TNK2: variants seen among roughly 807,000 people sequenced by gnomAD.
TNK2 encodes the protein tyrosine kinase non receptor 2.
TNK2 carries 83 observed loss-of-function variants against 101.8 expected under a neutral mutation model. The ratio of observed to expected loss-of-function variants is 0.82; its 90% CI spans 0.68 to 0.98. TNK2 has a LOEUF of 0.98. Ranked by LOEUF, TNK2 falls within the 50% of genes least tolerant of loss-of-function variation. TNK2 has a pLI of 0.00. For missense variants in TNK2, 1,665 were observed against 1,483.2 expected (o/e 1.12, Z -2.01); for synonymous variants, 804 against 633.0 (o/e 1.27, Z -4.06).
chr3:195,864,012 TGGGCA>T lies in TNK2; in HGVS notation c.*164_*168del. On this transcript the variant is annotated 3_prime_UTR_variant, in exon 16 of 16. Transcript: ENST00000672887. ...AGGGACAGCGCTGGTGCAGGAGGGA[TGGGCA>T]GGGCAGGGCTCCCAGCCTCCCGCAG... 1.2e-6 allele frequency: 1 copy of T among 810,420 alleles called. No homozygotes were observed. Among genetic ancestry groups the T allele is most frequent in the Non-Finnish European group, 2.0e-6 (1 of 498,626 alleles). 50.2% of individuals were successfully genotyped at this position (810,420 alleles called of 1,614,324 possible). A position where few individuals can be genotyped will look rare whatever the true frequency, so the allele number is the denominator to read the frequency against.
intron 1 of TNK2, chr3:195,892,435 G>C (rs1758930138): frequency 6.5e-7 from 1 of 1,535,300 alleles, no homozygotes; most frequent in African/African-American, 1.4e-5. Flanking sequence ...GCCGCAGTCT[G>C]GCCAGGAGAG....
At chr3:195,900,187 C>G (rs955958760) in intron 1 of TNK2, among the ~76,000 whole-genome samples, 3 of 151,940 alleles carry the variant, frequency 2.0e-5, no homozygotes, top group African/African-American at 7.3e-5. Flanking sequence ...TGCTGGGGCG[C>G]GGGCTGCCAC....
rs372297621 is a variant in TNK2 at position 195,866,868 on chromosome 3, C to T, written c.3161+21G>A. On this transcript the variant is annotated intron_variant, in intron 15 of 15. Coordinates refer to ENST00000672887, the MANE Select transcript of TNK2 (RefSeq NM_001382273.1). ...AGCCCTCCTGGGGCACGGAGCGGGG[C>T]AGACTGTGGGGCTCACTCACTTGTG... 2.6e-4 allele frequency: 421 copies of T among 1,607,126 alleles called. 2 individuals are homozygous for T. In the African/African-American group the frequency reaches 4.2e-3, roughly 16 times the overall value.
intron 1 of TNK2, among the ~76,000 whole-genome samples, chr3:195,898,033 G>A (rs140221068): frequency 1.9e-3 from 286 of 151,958 alleles, no homozygotes; most frequent in Non-Finnish European, 3.5e-3. Context: ...TCCACCAGGA[G>A]GCTGCACAGG....
chr3:195,898,329 G>A (rs150238977), intron 1 of TNK2, among the ~76,000 whole-genome samples: 1 of 152,254 alleles, frequency 6.6e-6, no homozygotes, highest in Non-Finnish European at 1.5e-5. Flanking sequence ...CGCTCCAGCT[G>A]GGCAACTTTT....
At chr3:195,894,939 A>C (rs1760005100) in intron 1 of TNK2, among the ~76,000 whole-genome samples, 1 of 152,138 alleles carries the variant, frequency 6.6e-6, no homozygotes, top group South Asian at 2.1e-4. Context: ...GGACATACAG[A>C]CTCAGTTCTC....
chr3:195,864,127 C>A lies in TNK2; in HGVS notation c.*54G>T, dbSNP rs910051506. On this transcript the variant is annotated 3_prime_UTR_variant, in exon 16 of 16. Transcript: ENST00000672887. ...GGGGCATCTCCCCACTCCTGGTGGA[C>A]GGACAGGCTCAGGTGATTCCTTCAG... 2.0e-5 allele frequency: 32 copies of A among 1,612,250 alleles called. No individual in the cohort carries two copies. The highest frequency in any genetic ancestry group is 1.6e-4 in the Middle Eastern group (1 of 6,072).
In TNK2 at chr3:195,868,722, G is replaced by A. The variant is rs1191415005; in HGVS notation, c.1589-13C>T. ...TCATAGGTTGGTTCTGTGATGGAAA[G>A]GGAGAGCCCAACAGGAAGGCAGTCA... On this transcript the variant is annotated splice_polypyrimidine_tract_variant and intron_variant, in intron 12 of 15. Transcript: ENST00000672887. 6.5e-7 allele frequency: 1 copy of A among 1,538,318 alleles called. No homozygotes were observed. Among genetic ancestry groups the A allele is most frequent in the Non-Finnish European group, 8.7e-7 (1 of 1,152,128 alleles).
At chr3:195,887,127 G>A (rs541013073) in intron 2 of TNK2, 80 bp from the exon 3 acceptor site, 11 of 1,461,984 alleles carry the variant, frequency 7.5e-6, no homozygotes, top group African/African-American at 1.4e-5. Flanking sequence ...CCCCTTGGGG[G>A]TGAGCCTGTC....
rs1035973900 is a variant in TNK2 at position 195,863,411 on chromosome 3, T to G, written c.*770A>C. ...TTATTTCTCTGGAAGAAGCAGGTACTGAATGCCGGAGCAGCAACTTCGCCA... is the reference window on the plus strand; with the variant it reads ...TTATTTCTCTGGAAGAAGCAGGTACGGAATGCCGGAGCAGCAACTTCGCCA... On this transcript the variant is annotated 3_prime_UTR_variant, in exon 16 of 16. Coordinates refer to ENST00000672887, the MANE Select transcript of TNK2 (RefSeq NM_001382273.1). 1 of 152,800 alleles carries G rather than the reference T, an allele frequency of 6.5e-6. No homozygotes were observed. The highest frequency in any genetic ancestry group is 1.5e-5 in the Non-Finnish European group (1 of 68,104). The allele number at this position is 152,800 out of a possible 1,614,324, so 9.5% of individuals were successfully genotyped here.
intron 9 of TNK2, chr3:195,876,866 C>T: frequency 2.8e-6 from 1 of 355,382 alleles, no homozygotes; most frequent in Non-Finnish European, 5.6e-6. Flanking sequence ...GACACACGCC[C>T]CAAACACAGG....
At position 195,886,831 on chromosome 3, in the gene TNK2, C is replaced by A. The variant is rs1016729316; in HGVS notation, c.234+146G>T. On this transcript the variant is annotated intron_variant, in intron 3 of 15. Transcript: ENST00000672887. This position sits in a 1 kb window ranked among gnomAD's most constrained non-coding sequence, Gnocchi z 4.2. ...CTACAAGTGCCCTGCCCGATAAGAC[C>A]CTGGACGAGGGGGTCCTGTACAAAG... 10 of 857,064 alleles carry A rather than the reference C, an allele frequency of 1.2e-5. No homozygotes were observed. Among genetic ancestry groups the A allele is most frequent in the Non-Finnish European group, 1.9e-5 (10 of 512,888 alleles). The allele number at this position is 857,064 out of a possible 1,614,324, so 53.1% of individuals were successfully genotyped here. A position where few individuals can be genotyped will look rare whatever the true frequency, so the allele number is the denominator to read the frequency against.
At chr3:195,890,840 T>C (rs1577099233) in intron 1 of TNK2, among the ~76,000 whole-genome samples, 1 of 152,202 alleles carries the variant, frequency 6.6e-6, no homozygotes, top group Non-Finnish European at 1.5e-5. Context: ...TTTGCAAAAA[T>C]GTCAGTGAAG....
At position 195,866,906 on chromosome 3, in the gene TNK2, C is replaced by A. The variant is rs540682153; in HGVS notation, c.3144G>T (p.Trp1048Cys). The change falls in exon 15 of 16, where the codon TGG becomes TGT. Residue 1048 changes from tryptophan (W) to cysteine (C), a missense_variant. Physicochemically the swap from Trp to Cys is radical, Grantham distance 215. Around this residue, in one of 3 missense-constraint regions of TNK2, gnomAD observed 1,136 missense variants for 894.9 expected, o/e 1.27. Transcript: ENST00000672887. The part of the protein sequence containing the change: ...EQAGCHLLGS[W>C]GPAHHKR ...TCACTCACTTGTGGTGGGCAGGGCC[C>A]CAGGAGCCCAGAAGGTGGCAGCCGG... is the stretch of plus-strand genomic sequence containing the variant. 1 of 1,611,176 alleles carries A rather than the reference C, an allele frequency of 6.2e-7. No individual in the cohort carries two copies. Among genetic ancestry groups the A allele is most frequent in the Non-Finnish European group, 8.5e-7 (1 of 1,179,214 alleles).
In TNK2 at chr3:195,878,587, C is replaced by T. The variant is rs55734494; in HGVS notation, c.1020G>A (p.Leu340=). 1.4e-4 allele frequency: 225 copies of T among 1,612,822 alleles called. 1 individual carries two copies. The East Asian group carries it at 4.1e-3, about 29-fold the overall frequency. Residue 340 remains leucine, a synonymous_variant, in exon 8 of 16, where the codon CTG becomes CTA. Coordinates refer to ENST00000672887, the MANE Select transcript of TNK2 (RefSeq NM_001382273.1). This position sits in a 1 kb window ranked among gnomAD's most constrained non-coding sequence, Gnocchi z 4.7. The stretch of plus-strand genomic sequence containing the variant: ...GCTCCCCCTCCTTGTCGATCTTATG[C>T]AGGATCTGAAGGTGAGGAGGTGCAG... ...PWIGLNGSQI[L]HKIDKEGERL...
At chr3:195,873,391 T>C (rs1209606624) in intron 9 of TNK2, among the ~76,000 whole-genome samples, 2 of 152,096 alleles carry the variant, frequency 1.3e-5, no homozygotes, top group South Asian at 2.1e-4. Context: ...GGACTTGTCA[T>C]ACGTGATGCC....
At chr3:195,901,378 C>A (rs952239431) in intron 1 of TNK2, among the ~76,000 whole-genome samples, 2 of 152,098 alleles carry the variant, frequency 1.3e-5, no homozygotes, top group Non-Finnish European at 2.9e-5. Context: ...GAGAAGAGGC[C>A]CTGCTTCATT....
chr3:195,902,920 T>C (rs975002052), intron 1 of TNK2, among the ~76,000 whole-genome samples: 4 of 151,994 alleles, frequency 2.6e-5, no homozygotes, highest in African/African-American at 9.6e-5. Flanking sequence ...CGGCTAATTT[T>C]TGTATTCTGG....
chr3:195,899,175 C>A (rs1760956172), intron 1 of TNK2, among the ~76,000 whole-genome samples: 1 of 152,208 alleles, frequency 6.6e-6, no homozygotes, highest in Non-Finnish European at 1.5e-5. Flanking sequence ...ACATGATAAA[C>A]TCCCACACAC....
Sources: gnomAD v4.1 joint callset for allele counts (sites outside exome capture counted in the v4.1 genomes callset) on GRCh38, gnomAD v4.1.1 for gene constraint, gnomAD v4.1.1 regional missense constraint, Gnocchi (gnomAD v3.1) non-coding constraint, MANE v1.5 for transcripts, NCBI Gene and HGNC (gene_info 2026-07-23, HGNC 2026-07-21) for gene names.